ELMO1: variants seen among roughly 807,000 people sequenced by gnomAD.
ELMO1 encodes engulfment and cell motility 1, also known as engulfment and cell motility protein 1.
ELMO1 carries 26 observed loss-of-function variants against 98.9 expected under a neutral mutation model. The observed-to-expected ratio is 0.26, with a 90% CI of 0.19 to 0.36. ELMO1 has a LOEUF of 0.36. ELMO1 is among the 10% of genes least tolerant of loss of function. The pLI, the probability that ELMO1 is intolerant of heterozygous loss-of-function variation, is 1.00. For missense variants in ELMO1, 627 were observed against 935.2 expected (o/e 0.67, Z 4.30); for synonymous variants, 346 against 346.0 (o/e 1.00, Z 0.00).
chr7:36,997,006 A>C (rs1396454726), intron 16 of ELMO1, among the ~76,000 whole-genome samples: 1 of 152,210 alleles, frequency 6.6e-6, no homozygotes, highest in Non-Finnish European at 1.5e-5. Flanking sequence ...TCTCATGAGA[A>C]GAGCTGTGTC....
intron 13 of ELMO1, among the ~76,000 whole-genome samples, chr7:37,200,997 G>C (rs1433741772): frequency 6.6e-6 from 1 of 151,678 alleles, no homozygotes; most frequent in Non-Finnish European, 1.5e-5. Flanking sequence ...ATTTTTAGGA[G>C]TGAGGAAAGA....
At chr7:37,375,005 G>C (rs1583647240) in intron 1 of ELMO1, among the ~76,000 whole-genome samples, 2 of 152,194 alleles carry the variant, frequency 1.3e-5, no homozygotes, top group African/African-American at 4.8e-5. Flanking sequence ...GTTGCGGTGG[G>C]CTGAGATCAC....
chr7:37,272,392 G>T (rs1796608726), intron 4 of ELMO1, among the ~76,000 whole-genome samples: 1 of 152,266 alleles, frequency 6.6e-6, no homozygotes, highest in Admixed American at 6.5e-5. Flanking sequence ...GAAGGGCCAG[G>T]CGTGGTGGCT....
chr7:37,188,487 T>TTAAAAAAA (rs1318399531), intron 13 of ELMO1, among the ~76,000 whole-genome samples: 1 of 32,046 alleles, frequency 3.1e-5, no homozygotes, highest in Non-Finnish European at 7.3e-5. Flanking sequence ...TGGAGAAAGG[T>TTAAAAAAA]AAAAAAAAAA....
intron 4 of ELMO1, among the ~76,000 whole-genome samples, chr7:37,297,281 T>G (rs1798080987): frequency 6.6e-6 from 1 of 152,216 alleles, no homozygotes; most frequent in Non-Finnish European, 1.5e-5. Context: ...CCTTCTGCAA[T>G]TCCTGAAGCA....
chr7:37,101,557 G>T (rs560626780), intron 14 of ELMO1, among the ~76,000 whole-genome samples: 2 of 152,280 alleles, frequency 1.3e-5, no homozygotes, highest in South Asian at 4.2e-4. Flanking sequence ...ATTGGTTATA[G>T]AAGCAGTTAC....
At chr7:37,200,652 C>T (rs920345031) in intron 13 of ELMO1, among the ~76,000 whole-genome samples, 9 of 152,122 alleles carry the variant, frequency 5.9e-5, no homozygotes, top group African/African-American at 1.4e-4. Flanking sequence ...CACCCACTTT[C>T]GCTTCTCTTC....
chr7:37,033,373 C>T (rs762889520), intron 15 of ELMO1: 37 of 455,744 alleles, frequency 8.1e-5, no homozygotes, highest in South Asian at 2.8e-4. Context: ...AAGGCTGGAT[C>T]GTGTTCACGG....
intron 4 of ELMO1, among the ~76,000 whole-genome samples, chr7:37,313,763 C>A (rs1329594813): frequency 6.6e-6 from 1 of 152,134 alleles, no homozygotes; most frequent in Non-Finnish European, 1.5e-5. Flanking sequence ...CCTTCTACCA[C>A]CACCTGATTC....
At chr7:36,991,557 C>T (rs1791880471) in intron 16 of ELMO1, among the ~76,000 whole-genome samples, 3 of 152,216 alleles carry the variant, frequency 2.0e-5, no homozygotes, top group South Asian at 4.1e-4. Flanking sequence ...CTGAACTGAA[C>T]ATAGTCAGAA....
intron 14 of ELMO1, among the ~76,000 whole-genome samples, chr7:37,114,246 G>C (rs1420347175): frequency 6.6e-6 from 1 of 152,214 alleles, no homozygotes; most frequent in East Asian, 1.9e-4. Context: ...GCAAGTGTGG[G>C]AGCAGGCAAT....
intron 7 of ELMO1, among the ~76,000 whole-genome samples, chr7:37,238,625 A>G (rs1206783866): frequency 6.6e-6 from 1 of 152,208 alleles, no homozygotes; most frequent in Non-Finnish European, 1.5e-5. Flanking sequence ...TATTTGCCTT[A>G]TTCTCAGTCT....
intron 13 of ELMO1, among the ~76,000 whole-genome samples, chr7:37,149,415 C>G (rs1399155611): frequency 2.6e-5 from 4 of 152,110 alleles, no homozygotes; most frequent in Non-Finnish European, 5.9e-5. Context: ...CCAACTACAG[C>G]CCAGGAGCCA....
At chr7:37,042,380 CA>C (rs1243223865) in intron 15 of ELMO1, among the ~76,000 whole-genome samples, 1 of 151,948 alleles carries the variant, frequency 6.6e-6, no homozygotes, top group Non-Finnish European at 1.5e-5. Context: ...TAAATATTTC[CA>C]TATTAACCCT....
intron 16 of ELMO1, among the ~76,000 whole-genome samples, chr7:37,011,429 T>C (rs1197171820): frequency 2.0e-5 from 3 of 152,226 alleles, no homozygotes; most frequent in Non-Finnish European, 4.4e-5. Flanking sequence ...GTAACTTCTA[T>C]AGGATTTAAG....
At chr7:36,892,822 A>T (rs1026962987) in intron 17 of ELMO1, among the ~76,000 whole-genome samples, 1 of 152,170 alleles carries the variant, frequency 6.6e-6, no homozygotes, top group African/African-American at 2.4e-5. Context: ...ACTTTGCTGC[A>T]GCTACAGATA....
At chr7:36,962,235 G>T (rs1167913850) in intron 16 of ELMO1, among the ~76,000 whole-genome samples, 1 of 152,306 alleles carries the variant, frequency 6.6e-6, no homozygotes, top group Non-Finnish European at 1.5e-5. Context: ...AATCACAGGG[G>T]AAGTTTAAAG....
intron 1 of ELMO1, chr7:37,351,112 T>A (rs569242105): frequency 3.3e-5 from 5 of 152,218 alleles, no homozygotes; most frequent in Admixed American, 6.5e-5. Context: ...AACTTCTGAA[T>A]TCCAAAAACC....
At chr7:37,165,808 T>C (rs1789637458) in intron 13 of ELMO1, among the ~76,000 whole-genome samples, 1 of 152,310 alleles carries the variant, frequency 6.6e-6, no homozygotes, top group African/African-American at 2.4e-5. Flanking sequence ...CTTTTTTGGT[T>C]CTGTCTCTGC....
Sources: allele counts gnomAD v4.1 joint callset (sites outside exome capture counted in the v4.1 genomes callset), GRCh38; gene constraint gnomAD v4.1.1; transcripts MANE v1.5; gene names NCBI Gene and HGNC (gene_info 2026-07-23, HGNC 2026-07-21).